TRPC4: variants seen among roughly 807,000 people sequenced by gnomAD.
TRPC4 encodes the protein short transient receptor potential channel 4.
In TRPC4, 49 loss-of-function variants were observed where a neutral mutation model predicts 99.4. That is an observed-to-expected ratio of 0.49 (90% CI 0.39 to 0.63). The LOEUF is 0.63. Among genes scored for constraint, TRPC4 ranks in the 20% least tolerant of loss-of-function variants. The pLI is 0.00. For missense variants in TRPC4, 898 were observed against 1,152.9 expected (o/e 0.78, Z 3.20); for synonymous variants, 454 against 425.9 (o/e 1.07, Z -0.81).
intron 1 of TRPC4, among the ~76,000 whole-genome samples, chr13:37,847,615 C>T (rs1958939980): frequency 6.6e-6 from 1 of 151,976 alleles, no homozygotes; most frequent in African/African-American, 2.4e-5. Context: ...CAGAACATCA[C>T]AATGCACCCC....
At position 37,767,337 on chromosome 13, in the gene TRPC4, CATAT is replaced by C. The variant is rs35539836; in HGVS notation, c.378+15615_378+15618del. On this transcript the variant is annotated intron_variant, in intron 2 of 10. Coordinates refer to ENST00000379705, the MANE Select transcript of TRPC4 (RefSeq NM_016179.4). ...ACACTCCCCAGAGATATAGATTCAG[CATAT>C]ATATATATATATATCTATATATACA... Among the ~76,000 whole-genome samples the C allele has an allele frequency of 1.9e-3, 276 of 147,398 alleles. 3 individuals are homozygous for C. The East Asian group carries it at 0.032, about 17-fold the overall frequency.
chr13:37,790,232 T>A (rs1263336118), intron 1 of TRPC4, among the ~76,000 whole-genome samples: 1 of 152,124 alleles, frequency 6.6e-6, no homozygotes, highest in Non-Finnish European at 1.5e-5. Flanking sequence ...AAGGACTATT[T>A]TTATTAGTAA....
chr13:37,695,164 C>T (rs7991252), intron 3 of TRPC4, among the ~76,000 whole-genome samples: 22 of 151,928 alleles, frequency 1.4e-4, no homozygotes, highest in African/African-American at 4.6e-4. Context: ...GACTACCTCC[C>T]TCTCTTCCTT....
At chr13:37,788,620 T>C (rs1329544344) in intron 1 of TRPC4, among the ~76,000 whole-genome samples, 1 of 152,094 alleles carries the variant, frequency 6.6e-6, no homozygotes, top group African/African-American at 2.4e-5. Context: ...CTCAGTGGTT[T>C]CCACAGACTC....
chr13:37,740,955 T>C (rs985496844), intron 3 of TRPC4, among the ~76,000 whole-genome samples: 1 of 152,152 alleles, frequency 6.6e-6, no homozygotes, highest in East Asian at 1.9e-4. Flanking sequence ...ATCCCATTAA[T>C]GTGTAGGACG....
At chr13:37,770,839 T>C (rs192091411) in intron 2 of TRPC4, among the ~76,000 whole-genome samples, 1 of 151,806 alleles carries the variant, frequency 6.6e-6, no homozygotes, top group Non-Finnish European at 1.5e-5. Context: ...TATTCTGCAA[T>C]GGACTATCCG....
chr13:37,724,914 AAATC>A (rs1954993799), intron 3 of TRPC4, among the ~76,000 whole-genome samples: 1 of 152,216 alleles, frequency 6.6e-6, no homozygotes, highest in East Asian at 1.9e-4. Flanking sequence ...CGTTAACTGT[AAATC>A]AATAGAAGTT....
At position 37,798,964 on chromosome 13, in the gene TRPC4, C is replaced by T. The variant is rs1380848796; in HGVS notation, c.-27-15604G>A. Among the ~76,000 whole-genome samples the T allele has an allele frequency of 4.8e-5, 7 of 145,924 alleles. No individual in the cohort carries two copies. The South Asian group carries it at 1.3e-3, about 27-fold the overall frequency. ...TTTTTTTTTTTGAGACAGAGTCTGGCTCTGTTGCCCAGGCTGGAATACAGT... is the reference window on the plus strand; with the variant it reads ...TTTTTTTTTTTGAGACAGAGTCTGGTTCTGTTGCCCAGGCTGGAATACAGT... On this transcript the variant is annotated intron_variant, in intron 1 of 10. Coordinates refer to ENST00000379705, the MANE Select transcript of TRPC4 (RefSeq NM_016179.4).
At chr13:37,778,499 T>C (rs1421463785) in intron 2 of TRPC4, among the ~76,000 whole-genome samples, 1 of 151,998 alleles carries the variant, frequency 6.6e-6, no homozygotes, top group Non-Finnish European at 1.5e-5. Context: ...TTGCTAGCTA[T>C]TAATTTATAG....
intron 8 of TRPC4, among the ~76,000 whole-genome samples, chr13:37,640,820 CT>C (rs2138540554): frequency 6.6e-6 from 1 of 152,274 alleles, no homozygotes; most frequent in African/African-American, 2.4e-5. Flanking sequence ...CTTTAACATT[CT>C]CACCATAAAT....
At chr13:37,780,449 A>G (rs138422345) in intron 2 of TRPC4, among the ~76,000 whole-genome samples, 25 of 152,226 alleles carry the variant, frequency 1.6e-4, no homozygotes, top group African/African-American at 4.6e-4. Flanking sequence ...CGTGTCCCAG[A>G]ATCTTTGGGC....
rs141619232 is a variant in TRPC4 at position 37,725,498 on chromosome 13, A to T, written c.897+20439T>A. ...TCTTGAAAGCAGTATGAAAGAAGAC[A>T]CTCATTACATACAAGGAATCCTGAA... On this transcript the variant is annotated intron_variant, in intron 3 of 10. Coordinates refer to ENST00000379705, the MANE Select transcript of TRPC4 (RefSeq NM_016179.4). 5.5e-4 allele frequency among the ~76,000 whole-genome samples: 84 copies of T among 152,246 alleles called. No homozygotes were observed. In the East Asian group the frequency reaches 0.016, roughly 29 times the overall value.
chr13:37,849,372 T>C (rs1322341201), intron 1 of TRPC4, among the ~76,000 whole-genome samples: 2 of 152,150 alleles, frequency 1.3e-5, no homozygotes, highest in Admixed American at 6.5e-5. Flanking sequence ...GGCTGTGAGG[T>C]GCGTTCTCCT....
intron 1 of TRPC4, among the ~76,000 whole-genome samples, chr13:37,816,279 A>G (rs2139504750): frequency 6.6e-6 from 1 of 152,020 alleles, no homozygotes; most frequent in East Asian, 1.9e-4. Flanking sequence ...AAGTTCTTGG[A>G]GACCTTCAAA....
intron 1 of TRPC4, among the ~76,000 whole-genome samples, chr13:37,817,563 C>T (rs571263840): frequency 1.3e-5 from 2 of 151,852 alleles, no homozygotes; most frequent in South Asian, 4.2e-4. Flanking sequence ...GCATGAATAA[C>T]CAAGGCAATA....
chr13:37,861,663 T>C (rs1027768599), intron 1 of TRPC4, among the ~76,000 whole-genome samples: 7 of 151,592 alleles, frequency 4.6e-5, no homozygotes, highest in Non-Finnish European at 8.9e-5. Flanking sequence ...AAGAACGTGC[T>C]GGAGTGCTAA....
intron 2 of TRPC4, among the ~76,000 whole-genome samples, chr13:37,750,766 TTAAG>T (rs1955911814): frequency 1.3e-5 from 2 of 152,022 alleles, no homozygotes; most frequent in South Asian, 4.2e-4. Context: ...GTCATCTACA[TTAAG>T]TATTTTTCCT....
At chr13:37,674,451 T>C (rs1952975252) in intron 4 of TRPC4, 84 bp from the exon 5 acceptor site, 1 of 1,453,842 alleles carries the variant, frequency 6.9e-7, no homozygotes, top group African/African-American at 1.4e-5. Context: ...ATTATAGATC[T>C]CGAAGCTACA....
intron 3 of TRPC4, among the ~76,000 whole-genome samples, chr13:37,707,211 T>G (rs1200578772): frequency 6.6e-6 from 1 of 152,194 alleles, no homozygotes; most frequent in Non-Finnish European, 1.5e-5. Context: ...TATTCACTAC[T>G]CATATAAAAT....
Sources: gnomAD v4.1 joint callset for allele counts (sites outside exome capture counted in the v4.1 genomes callset) on GRCh38, gnomAD v4.1.1 for gene constraint, MANE v1.5 for transcripts, NCBI Gene and HGNC (gene_info 2026-07-23, HGNC 2026-07-21) for gene names.